The following HAO1 variants were observed in gnomAD, a reference collection of about 807,000 sequenced individuals.
The protein encoded by HAO1 is hydroxyacid oxidase 1, also known as 2-Hydroxyacid oxidase 1.
In HAO1, 34 loss-of-function variants were observed where a neutral mutation model predicts 39.7. That is an observed-to-expected ratio of 0.86 (90% confidence interval 0.65 to 1.14). The LOEUF is 1.14. Ranked by LOEUF, HAO1 falls within the 50% of genes most tolerant of loss-of-function variation. The pLI is 0.00. For missense variants in HAO1, 479 were observed against 464.5 expected (o/e 1.03, Z -0.29); for synonymous variants, 172 against 173.2 (o/e 0.99, Z 0.05).
chr20:7,899,416 T>C (rs935339519), intron 4 of HAO1, among the ~76,000 whole-genome samples: 1 of 152,174 alleles, frequency 6.6e-6, no homozygotes, highest in African/African-American at 2.4e-5. Flanking sequence ...GGAGAAAGAT[T>C]TATTTGCAGG....
intron 4 of HAO1, among the ~76,000 whole-genome samples, 177 bp downstream of exon 4, chr20:7,905,977 T>C (rs148573144): frequency 2.0e-4 from 30 of 152,272 alleles, no homozygotes; most frequent in African/African-American, 6.7e-4. Context: ...CTTCAGAATA[T>C]TACCTAAGAA....
chr20:7,927,938 T>C (rs1568519733), intron 2 of HAO1, among the ~76,000 whole-genome samples: 1 of 152,156 alleles, frequency 6.6e-6, no homozygotes, highest in Non-Finnish European at 1.5e-5. Context: ...TTGGAGAAAG[T>C]TTCTCAGGGT....
chr20:7,894,258 G>A (rs904907039), intron 5 of HAO1, among the ~76,000 whole-genome samples: 2 of 152,088 alleles, frequency 1.3e-5, no homozygotes, highest in Non-Finnish European at 2.9e-5. Context: ...TGCCCTAAGT[G>A]CCTCTGTCGG....
intron 2 of HAO1, among the ~76,000 whole-genome samples, chr20:7,927,503 C>T (rs1373292546): frequency 1.3e-5 from 2 of 152,030 alleles, no homozygotes; most frequent in Non-Finnish European, 2.9e-5. Flanking sequence ...TTAAGTAATC[C>T]ATTGAATCAA....
chr20:7,933,067 TG>T (rs2050392726), intron 2 of HAO1, among the ~76,000 whole-genome samples: 1 of 152,222 alleles, frequency 6.6e-6, no homozygotes, highest in African/African-American at 2.4e-5. Context: ...TCCATGTCTT[TG>T]CTTATTAATG....
chr20:7,930,786 A>G (rs945546772), intron 2 of HAO1, among the ~76,000 whole-genome samples: 5 of 152,166 alleles, frequency 3.3e-5, no homozygotes, highest in African/African-American at 1.2e-4. Context: ...CCATTCCCCT[A>G]CTTCAAACAC....
chr20:7,938,866 G>A (rs1262205650), intron 1 of HAO1, among the ~76,000 whole-genome samples: 2 of 152,134 alleles, frequency 1.3e-5, no homozygotes, highest in Non-Finnish European at 1.5e-5. Flanking sequence ...TAGCTAGCAT[G>A]CGACAAAGGG....
intron 2 of HAO1, among the ~76,000 whole-genome samples, chr20:7,933,415 T>C (rs948906234): frequency 3.9e-5 from 6 of 152,228 alleles, no homozygotes; most frequent in Admixed American, 6.5e-5. Flanking sequence ...TGATTTTGTA[T>C]AGATATTTAC....
At chr20:7,912,653 A>G (rs1320109660) in intron 3 of HAO1, among the ~76,000 whole-genome samples, 3 of 152,006 alleles carry the variant, frequency 2.0e-5, no homozygotes, top group Admixed American at 2.0e-4. Context: ...ATTTGAATCC[A>G]TCAGCTTTCT....
chr20:7,936,552 G>GTGTGTGTT (rs1488706496), intron 1 of HAO1, among the ~76,000 whole-genome samples: 3 of 148,192 alleles, frequency 2.0e-5, no homozygotes, highest in South Asian at 2.1e-4. Context: ...GTGTGTTCGC[G>GTGTGTGTT]CGCGCGCGCG....
chr20:7,920,273 C>T (rs1378656369), intron 2 of HAO1, among the ~76,000 whole-genome samples: 1 of 152,100 alleles, frequency 6.6e-6, no homozygotes, highest in Non-Finnish European at 1.5e-5. Flanking sequence ...CTTTCCCTTT[C>T]ACCATGATTG....
chr20:7,886,515 G>A (rs2050151939), intron 5 of HAO1, among the ~76,000 whole-genome samples: 1 of 152,100 alleles, frequency 6.6e-6, no homozygotes, highest in African/African-American at 2.4e-5. Context: ...CTCATTGCAA[G>A]TCAATTGTTA....
intron 2 of HAO1, among the ~76,000 whole-genome samples, chr20:7,927,452 C>T (rs536385673): frequency 6.6e-6 from 1 of 152,186 alleles, no homozygotes; most frequent in African/African-American, 2.4e-5. Flanking sequence ...ACTTATAAAA[C>T]AGCTTAAATA....
intron 4 of HAO1, among the ~76,000 whole-genome samples, chr20:7,903,549 G>GTTGT (rs1262092353): frequency 2.6e-5 from 4 of 151,622 alleles, no homozygotes; most frequent in African/African-American, 9.7e-5. Flanking sequence ...GGTGGTGGTG[G>GTTGT]TTGTCTTGGT....
intron 5 of HAO1, among the ~76,000 whole-genome samples, chr20:7,887,352 C>G (rs2050155400): frequency 6.6e-6 from 1 of 152,146 alleles, no homozygotes; most frequent in African/African-American, 2.4e-5. Flanking sequence ...TGAAATCACT[C>G]AGAGGTTATC....
At chr20:7,904,982 C>T (rs1290014145) in intron 4 of HAO1, among the ~76,000 whole-genome samples, 1 of 152,060 alleles carries the variant, frequency 6.6e-6, no homozygotes, top group Admixed American at 6.5e-5. Context: ...GAAGTATAAT[C>T]CACAAAAATT....
At chr20:7,911,794 T>C (rs148849928) in intron 3 of HAO1, among the ~76,000 whole-genome samples, 2 of 152,316 alleles carry the variant, frequency 1.3e-5, no homozygotes, top group Non-Finnish European at 2.9e-5. Flanking sequence ...CTGCCAAACT[T>C]CACTTATGAA....
At chr20:7,890,648 C>T (rs2050170160) in intron 5 of HAO1, among the ~76,000 whole-genome samples, 1 of 152,148 alleles carries the variant, frequency 6.6e-6, no homozygotes, top group Non-Finnish European at 1.5e-5. Flanking sequence ...GCACCCATCA[C>T]CTAAGCAGTA....
In HAO1 at chr20:7,893,474, G is replaced by A. The variant is rs911922081; in HGVS notation, c.813+1659C>T. On this transcript the variant is annotated intron_variant, in intron 5 of 7. Coordinates refer to ENST00000378789, the MANE Select transcript of HAO1 (RefSeq NM_017545.3). Reference sequence around the variant, plus strand: ...TGGTTTAGGAGTCATGCAGCTGTAGGCTACAAGATTCTGAACCTCCCCAAA... The same window carrying A: ...TGGTTTAGGAGTCATGCAGCTGTAGACTACAAGATTCTGAACCTCCCCAAA... Among the ~76,000 whole-genome samples, 5 of 152,228 alleles carry A rather than the reference G, an allele frequency of 3.3e-5. No individual in the cohort carries two copies. The East Asian group carries it at 5.8e-4, about 18-fold the overall frequency.
Sources: gnomAD v4.1 joint callset for allele counts (sites outside exome capture counted in the v4.1 genomes callset) on GRCh38, gnomAD v4.1.1 for gene constraint, MANE v1.5 for transcripts, NCBI Gene and HGNC (gene_info 2026-07-23, HGNC 2026-07-21) for gene names.